Variants in SLC7A1 observed in about 807,000 individuals in gnomAD.
SLC7A1 encodes solute carrier family 7 member 1.
Under a neutral mutation model 53.9 loss-of-function variants are expected in SLC7A1, and 10 were observed. That is an observed-to-expected ratio of 0.19 (90% confidence interval 0.11 to 0.31). The LOEUF (loss-of-function observed/expected upper bound fraction) is 0.31. SLC7A1 is among the 10% of genes least tolerant of loss of function. The pLI is 1.00. For synonymous variants in SLC7A1, 342 were observed against 338.7 expected (o/e 1.01, Z -0.11); for missense variants, 525 against 827.2 (o/e 0.63, Z 4.48).
At position 29,516,226 on chromosome 13, in the gene SLC7A1, G is replaced by C. The variant is rs751754723; in HGVS notation, c.1698C>G (p.Leu566=). 1 of 1,613,186 alleles carries C rather than the reference G, an allele frequency of 6.2e-7. No individual in the cohort carries two copies. Among genetic ancestry groups the C allele is most frequent in the Non-Finnish European group, 8.5e-7 (1 of 1,179,542 alleles). The part of the protein sequence containing the change: ...LSFKVPFLPV[L]PILSIFVNVY... ...CGTTCACGAAGATGCTCAGGATGGGGAGCACTGGCAGGAAGGGAACCTGAA... is the reference window on the plus strand; with the variant it reads ...CGTTCACGAAGATGCTCAGGATGGGCAGCACTGGCAGGAAGGGAACCTGAA... Residue 566 remains leucine (L), a synonymous_variant, in exon 12 of 13, where the codon CTC becomes CTG. Coordinates refer to ENST00000380752, the MANE Select transcript of SLC7A1 (RefSeq NM_003045.5).
At chr13:29,569,045 TG>T (rs1181606577) in intron 1 of SLC7A1, among the ~76,000 whole-genome samples, 1 of 152,208 alleles carries the variant, frequency 6.6e-6, no homozygotes, top group Non-Finnish European at 1.5e-5. Flanking sequence ...AAGAAAAATG[TG>T]GGCTGCACAA....
chr13:29,540,485 C>T (rs1402312585), intron 2 of SLC7A1, among the ~76,000 whole-genome samples: 1 of 152,120 alleles, frequency 6.6e-6, no homozygotes, highest in African/African-American at 2.4e-5. Flanking sequence ...GAGATAAAGA[C>T]TCTCTTATGT....
At chr13:29,563,260 G>A (rs1316944083) in intron 1 of SLC7A1, among the ~76,000 whole-genome samples, 1 of 152,186 alleles carries the variant, frequency 6.6e-6, no homozygotes, top group Non-Finnish European at 1.5e-5. Flanking sequence ...CCATGCACAG[G>A]GCAGTTCCCT....
At chr13:29,576,293 T>TTTTTAAAAAAAAAAA (rs552407983) in intron 1 of SLC7A1, among the ~76,000 whole-genome samples, 4 of 124,954 alleles carry the variant, frequency 3.2e-5, no homozygotes, top group African/African-American at 1.5e-4. Context: ...TCCTGTTTTT[T>TTTTTAAAAAAAAAAA]AAAAAAAAAA....
At chr13:29,590,924 T>C (rs1872081792) in intron 1 of SLC7A1, among the ~76,000 whole-genome samples, 2 of 152,046 alleles carry the variant, frequency 1.3e-5, no homozygotes, top group Non-Finnish European at 2.9e-5. Context: ...GGCAACATAA[T>C]GAGATCCCTT....
intron 11 of SLC7A1, chr13:29,516,869 A>G (rs917963687): frequency 3.3e-5 from 12 of 362,032 alleles, no homozygotes; most frequent in Admixed American, 1.3e-4. Flanking sequence ...ATATCCAGGG[A>G]CTGGCGAGGT....
At chr13:29,592,377 C>T (rs980354787) in intron 1 of SLC7A1, among the ~76,000 whole-genome samples, 5 of 152,212 alleles carry the variant, frequency 3.3e-5, no homozygotes, top group Admixed American at 1.3e-4. Context: ...TTTCTGAAGC[C>T]CAAGTTCCTG....
rs532207835 is a variant in SLC7A1, at chr13:29,549,397, C to T, written c.-15+4364G>A. Among the ~76,000 whole-genome samples, 23 of 152,248 alleles carry T rather than the reference C, an allele frequency of 1.5e-4. No individual in the cohort carries two copies. The South Asian group carries it at 4.1e-3, about 27-fold the overall frequency. ...GTGGAGTGGCCCTTTCAGCACACCA[C>T]GTGGTCCATATTTTATCATCTGTCA... On this transcript the variant is annotated intron_variant, in intron 2 of 12. Transcript: ENST00000380752.
Position 29,569,430 on chromosome 13 carries a change from T to C in SLC7A1, c.-114-15570A>G, listed in dbSNP as rs659314. On this transcript the variant is annotated intron_variant, in intron 1 of 12. Transcript: ENST00000380752. ...CACCTCAAACTGCCCATCCTGAGAA[T>C]GCACTCTGCTCCCTGCAGGGCCCCT... is the stretch of plus-strand genomic sequence containing the variant. Among the ~76,000 whole-genome samples the C allele has an allele frequency of 3.5e-3, 528 of 152,274 alleles. 4 individuals carry two copies. Among genetic ancestry groups the C allele is most frequent in the African/African-American group, 0.012 (494 of 41,560 alleles).
chr13:29,517,065 A>G, intron 11 of SLC7A1, 79 bp downstream of exon 11: 2 of 1,389,972 alleles, frequency 1.4e-6, no homozygotes, highest in Admixed American at 5.1e-5. Flanking sequence ...GGCCCGGCTG[A>G]GCCCACGCAG....
intron 1 of SLC7A1, among the ~76,000 whole-genome samples, chr13:29,566,843 C>A (rs958736898): frequency 6.6e-6 from 1 of 152,172 alleles, no homozygotes; most frequent in Non-Finnish European, 1.5e-5. Flanking sequence ...TCCCACTAAC[C>A]ATGACAGGCA....
chr13:29,565,893 AGGGATCCTGC>A (rs1315123974), intron 1 of SLC7A1, among the ~76,000 whole-genome samples: 1 of 152,216 alleles, frequency 6.6e-6, no homozygotes, highest in Admixed American at 6.5e-5. Flanking sequence ...TATACAGAGA[AGGGATCCTGC>A]GGTTCTGGGC....
chr13:29,523,853 C>T lies in SLC7A1; in HGVS notation c.826+279G>A, dbSNP rs534825164. ...ATAGCCTCACTCCTCCCGGAAGACG[C>T]TCAGATATGAAATCAGGCCACAGCC... On this transcript the variant is annotated intron_variant, in intron 6 of 12. Coordinates refer to ENST00000380752, the MANE Select transcript of SLC7A1 (RefSeq NM_003045.5). Among the ~76,000 whole-genome samples, 6 of 152,348 alleles carry T rather than the reference C, an allele frequency of 3.9e-5. No individual in the cohort carries two copies. In the South Asian group the frequency reaches 1.2e-3, roughly 32 times the overall value.
intron 1 of SLC7A1, among the ~76,000 whole-genome samples, chr13:29,590,223 G>A (rs527740108): frequency 1.3e-5 from 2 of 152,286 alleles, no homozygotes; most frequent in Admixed American, 6.5e-5. Flanking sequence ...ACCCAAGCAC[G>A]GGATGAGTGA....
At chr13:29,532,257 G>T (rs778977610) in intron 4 of SLC7A1, among the ~76,000 whole-genome samples, 3 of 152,216 alleles carry the variant, frequency 2.0e-5, no homozygotes, top group Non-Finnish European at 2.9e-5. Flanking sequence ...CTAGCAAGAA[G>T]TTGCCATCAG....
chr13:29,511,782 T>C lies in SLC7A1; in HGVS notation c.*2698A>G, dbSNP rs1186148997. 6.6e-6 allele frequency: 1 copy of C among 152,224 alleles called. No individual in the cohort carries two copies. Among genetic ancestry groups the C allele is most frequent in the African/African-American group, 2.4e-5 (1 of 41,444 alleles). The allele number at this position is 152,224 out of a possible 1,614,324, so 9.4% of individuals were successfully genotyped here. A position where few individuals can be genotyped will look rare whatever the true frequency, so the allele number is the denominator to read the frequency against. ...GTTGTGGGAGACAGGAAGGGATGTTTACCCATCACAAATGGGTCTTTCCAA... is the reference window on the plus strand; with the variant it reads ...GTTGTGGGAGACAGGAAGGGATGTTCACCCATCACAAATGGGTCTTTCCAA... On this transcript the variant is annotated 3_prime_UTR_variant, in exon 13 of 13. Coordinates refer to ENST00000380752, the MANE Select transcript of SLC7A1 (RefSeq NM_003045.5).
chr13:29,577,881 C>T (rs1871474485), intron 1 of SLC7A1, among the ~76,000 whole-genome samples: 1 of 152,180 alleles, frequency 6.6e-6, no homozygotes, highest in African/African-American at 2.4e-5. Context: ...GCTGGGCAAC[C>T]AAGGAGAACC....
intron 2 of SLC7A1, among the ~76,000 whole-genome samples, chr13:29,549,565 G>T (rs567961569): frequency 6.6e-6 from 1 of 152,134 alleles, no homozygotes; most frequent in African/African-American, 2.4e-5. Context: ...ATTCCAAACC[G>T]GGCATAATCA....
At chr13:29,522,277 T>A (rs779203918) in intron 8 of SLC7A1, 40 bp downstream of exon 8, 2 of 1,610,876 alleles carry the variant, frequency 1.2e-6, no homozygotes, top group Non-Finnish European at 1.7e-6. Context: ...ATGACTCCAT[T>A]GTTAAAACAT....
Sources: gnomAD v4.1 joint callset for allele counts (sites outside exome capture counted in the v4.1 genomes callset) on GRCh38, gnomAD v4.1.1 for gene constraint, MANE v1.5 for transcripts, NCBI Gene and HGNC (gene_info 2026-07-23, HGNC 2026-07-21) for gene names.